KLRF2: variants seen among roughly 807,000 people sequenced by gnomAD.
KLRF2 encodes killer cell lectin-like receptor subfamily F member 2.
Under a neutral mutation model 25.3 loss-of-function variants are expected in KLRF2, and 28 were observed. That is an observed-to-expected ratio of 1.11 (90% CI 0.82 to 1.52). KLRF2 has a LOEUF of 1.52. Among genes scored for constraint, KLRF2 ranks in the 40% most tolerant of loss-of-function variants. KLRF2 has a pLI of 0.00. For synonymous variants in KLRF2, 73 were observed against 85.0 expected, an observed-to-expected ratio of 0.86 and a Z score of 0.78; for missense variants, 265 against 245.8, an observed-to-expected ratio of 1.08 and a Z score of -0.52.
intron 1 of KLRF2, 106 bp downstream of exon 1, chr12:9,881,771 A>G: frequency 1.2e-6 from 1 of 819,938 alleles, no homozygotes; most frequent in East Asian, 2.7e-5. Flanking sequence ...ATAATAAGGA[A>G]TATAAAAATG....
chr12:9,888,137 T>A (rs1591777374), intron 2 of KLRF2, among the ~76,000 whole-genome samples: 1 of 125,712 alleles, frequency 8.0e-6, no homozygotes. Context: ...AAAAGTCCAG[T>A]GAAAAAAATA....
intron 3 of KLRF2, among the ~76,000 whole-genome samples, chr12:9,892,771 A>G (rs1298986043): frequency 6.6e-6 from 1 of 151,424 alleles, no homozygotes; most frequent in Admixed American, 6.6e-5. Context: ...TTTAGTAGAG[A>G]CAGGGTTTCT....
chr12:9,891,786 C>G (rs901141772), intron 3 of KLRF2, among the ~76,000 whole-genome samples: 26 of 152,060 alleles, frequency 1.7e-4, no homozygotes, highest in African/African-American at 6.3e-4. Context: ...TCATAATAAC[C>G]TTCTTCAAAT....
rs565260007 is a variant in KLRF2 at position 9,886,725 on chromosome 12, C to T, written c.169+1693C>T. On this transcript the variant is annotated intron_variant, in intron 2 of 5. Transcript: ENST00000535540. The stretch of plus-strand genomic sequence containing the variant: ...TTTGATTGGTGTCTTGTCAATCTGT[C>T]GGTCTATTTACACAGTGGATTTTGC... Among the ~76,000 whole-genome samples the T allele has an allele frequency of 1.1e-4, 15 of 138,604 alleles. No individual in the cohort carries two copies. In the South Asian group the frequency reaches 3.2e-3, roughly 30 times the overall value. 90.9% of individuals were successfully genotyped at this position (138,604 alleles called of 152,430 possible).
chr12:9,886,298 A>G (rs186793465), intron 2 of KLRF2, among the ~76,000 whole-genome samples: 32 of 152,322 alleles, frequency 2.1e-4, no homozygotes, highest in Admixed American at 1.4e-3. Context: ...AGTATTGACC[A>G]TAAATATTTA....
chr12:9,892,242 G>T (rs993809078), intron 3 of KLRF2, among the ~76,000 whole-genome samples: 1 of 152,160 alleles, frequency 6.6e-6, no homozygotes, highest in South Asian at 2.1e-4. Context: ...GAAGGAAGAG[G>T]AGGCTATTCA....
intron 3 of KLRF2, among the ~76,000 whole-genome samples, chr12:9,889,053 G>A (rs1200452738): frequency 1.3e-5 from 2 of 152,144 alleles, no homozygotes; most frequent in African/African-American, 4.8e-5. Context: ...TACCTAACTT[G>A]CCAAATATTT....
chr12:9,884,898 G>T (rs1487201006), intron 1 of KLRF2, 36 bp from the exon 2 acceptor site: 2 of 672,068 alleles, frequency 3.0e-6, no homozygotes, highest in Admixed American at 3.3e-5. Flanking sequence ...TTTATAAAGT[G>T]AATAATCACA....
chr12:9,890,824 T>C (rs1862667439), intron 3 of KLRF2, among the ~76,000 whole-genome samples: 1 of 152,182 alleles, frequency 6.6e-6, no homozygotes, highest in Admixed American at 6.5e-5. Flanking sequence ...ATTACACAGG[T>C]CATGTGCACC....
intron 5 of KLRF2, among the ~76,000 whole-genome samples, chr12:9,895,092 GA>G (rs1862741186): frequency 6.6e-6 from 1 of 152,094 alleles, no homozygotes; most frequent in African/African-American, 2.4e-5. Context: ...TTATACTGTG[GA>G]AGTTATATGA....
chr12:9,891,877 G>T (rs1231274630), intron 3 of KLRF2, among the ~76,000 whole-genome samples: 2 of 151,836 alleles, frequency 1.3e-5, no homozygotes, highest in Admixed American at 6.6e-5. Context: ...TAAAATTTTA[G>T]GGTCATAGTT....
intron 3 of KLRF2, among the ~76,000 whole-genome samples, chr12:9,889,388 A>G (rs972959741): frequency 3.9e-5 from 6 of 152,122 alleles, no homozygotes; most frequent in African/African-American, 1.2e-4. Context: ...TGGATTTTGC[A>G]TTTGTAGATT....
At chr12:9,894,176 T>C (rs1455383107) in intron 5 of KLRF2, among the ~76,000 whole-genome samples, 1 of 150,734 alleles carries the variant, frequency 6.6e-6, no homozygotes, top group Non-Finnish European at 1.5e-5. Context: ...TCTTTGTTTC[T>C]TTCTTTCTTT....
In KLRF2 at chr12:9,895,452, T is replaced by C. The variant is rs1480454172; in HGVS notation, c.480-237T>C. ...CTTGCAGGCGTAGATAATGAGAGGT[T>C]TGAGAGGTAAGGAAGAAGCTGGGAT... On this transcript the variant is annotated intron_variant, in intron 5 of 5. Coordinates refer to ENST00000535540, the MANE Select transcript of KLRF2 (RefSeq NM_001190765.1). Among the ~76,000 whole-genome samples the C allele has an allele frequency of 3.9e-5, 6 of 152,150 alleles. No homozygotes were observed. In the East Asian group the frequency reaches 1.2e-3, roughly 29 times the overall value.
rs17733916 is a variant in KLRF2 at position 9,889,046 on chromosome 12, C to G, written c.217+266C>G. On this transcript the variant is annotated intron_variant, in intron 3 of 5. Coordinates refer to ENST00000535540, the MANE Select transcript of KLRF2 (RefSeq NM_001190765.1). ...GATGATAGTGGATTTCCTGCCATAC[C>G]TAACTTGCCAAATATTTATCGAGCA... Among the ~76,000 whole-genome samples, 1,324 of 152,250 alleles carry G rather than the reference C, an allele frequency of 8.7e-3. 13 individuals are homozygous for G. Among genetic ancestry groups the G allele is most frequent in the Admixed American group, 0.015 (232 of 15,302 alleles).
chr12:9,888,499 AT>A (rs1233373345), intron 2 of KLRF2, among the ~76,000 whole-genome samples: 1 of 152,002 alleles, frequency 6.6e-6, no homozygotes, highest in Non-Finnish European at 1.5e-5. Context: ...CAAAAAAAAA[AT>A]AAAAATAATA....
chr12:9,888,203 A>C (rs1481635721), intron 2 of KLRF2, among the ~76,000 whole-genome samples: 1 of 151,950 alleles, frequency 6.6e-6, no homozygotes, highest in African/African-American at 2.4e-5. Flanking sequence ...AATATTTAGA[A>C]TTGCAGGCCG....
chr12:9,893,524 C>A lies in KLRF2; in HGVS notation c.462C>A (p.His154Gln), dbSNP rs568413445. Residue 154 changes from histidine (H) to glutamine (Q), a missense_variant, in exon 5 of 6, where the codon CAC (histidine) becomes CAA (glutamine). Transcript: ENST00000535540. ...ACCTATGGATGTGGATAGATGAACA[C>A]TTTTTAGTTCCAGAATTGTGAGTAG... ...QGNLWMWIDE[H>Q]FLVPELFSVI... 7 of 1,471,770 alleles carry A rather than the reference C, an allele frequency of 4.8e-6. No homozygotes were observed. Among genetic ancestry groups the A allele is most frequent in the Admixed American group, 2.0e-5 (1 of 49,834 alleles). 91.2% of individuals were successfully genotyped at this position (1,471,770 alleles called of 1,614,324 possible). A position where few individuals can be genotyped will look rare whatever the true frequency, so the allele number is the denominator to read the frequency against.
intron 2 of KLRF2, among the ~76,000 whole-genome samples, chr12:9,888,352 T>C (rs1231358839): frequency 6.6e-6 from 1 of 151,652 alleles, no homozygotes; most frequent in African/African-American, 2.4e-5. Context: ...TAGCTGGGCA[T>C]GGTGGTGCGC....
Sources: allele counts gnomAD v4.1 joint callset (sites outside exome capture counted in the v4.1 genomes callset), GRCh38; gene constraint gnomAD v4.1.1; transcripts MANE v1.5; gene names NCBI Gene and HGNC (gene_info 2026-07-23, HGNC 2026-07-21).